TWIST2: variants seen among roughly 807,000 people sequenced by gnomAD.
TWIST2 encodes the protein twist family bHLH transcription factor 2.
In TWIST2, 1 loss-of-function variant was observed where a neutral mutation model predicts 11.6. The observed-to-expected ratio is 0.09, with a 90% CI of 0.03 to 0.41. The LOEUF is 0.41. TWIST2 is among the 10% of genes least tolerant of loss of function. The pLI is 0.98. For synonymous variants in TWIST2, 87 were observed against 96.6 expected, an observed-to-expected ratio of 0.90 and a Z score of 0.58; for missense variants, 168 against 226.4, an observed-to-expected ratio of 0.74 and a Z score of 1.66.
At chr2:238,896,595 C>T (rs1693210630) in intron 1 of TWIST2, among the ~76,000 whole-genome samples, 1 of 152,204 alleles carries the variant, frequency 6.6e-6, no homozygotes, top group Non-Finnish European at 1.5e-5. Flanking sequence ...CCTGTAAGAG[C>T]TCAGAGCAGG....
At chr2:238,870,586 C>A (rs1406972436) in intron 1 of TWIST2, among the ~76,000 whole-genome samples, 1 of 40,794 alleles carries the variant, frequency 2.5e-5, no homozygotes, top group Non-Finnish European at 5.4e-5. Context: ...CACACACACA[C>A]ACCACACACC....
chr2:238,874,567 A>C (rs1382144261), intron 1 of TWIST2, among the ~76,000 whole-genome samples: 1 of 152,182 alleles, frequency 6.6e-6, no homozygotes, highest in Non-Finnish European at 1.5e-5. Flanking sequence ...GCCGGTCTGC[A>C]CCAGCCCCAC....
At chr2:238,896,776 T>G (rs1693212797) in intron 1 of TWIST2, among the ~76,000 whole-genome samples, 1 of 152,126 alleles carries the variant, frequency 6.6e-6, no homozygotes, top group Non-Finnish European at 1.5e-5. Context: ...TGCTCTGGGA[T>G]TTTAGCTCTG....
intron 1 of TWIST2, among the ~76,000 whole-genome samples, chr2:238,880,168 G>A (rs375589175): frequency 8.1e-6 from 1 of 122,700 alleles, no homozygotes; most frequent in African/African-American, 3.5e-5. Context: ...TATTGGTATT[G>A]GTGTTAGTGT....
intron 1 of TWIST2, among the ~76,000 whole-genome samples, chr2:238,880,303 T>C (rs1692892223): frequency 6.7e-6 from 1 of 148,488 alleles, no homozygotes; most frequent in Non-Finnish European, 1.5e-5. Flanking sequence ...GTGTTATTGT[T>C]AGTGTTAGTG....
rs1054781231 is a variant in TWIST2, at chr2:238,865,345, G to A, written c.*35+16612G>A. On this transcript the variant is annotated intron_variant, in intron 1 of 1. Coordinates refer to ENST00000612363, the MANE Select transcript of TWIST2 (RefSeq NM_001271893.4). Reference sequence around the variant, plus strand: ...AGGGCTCTCTGCTTTAAACGACGGCGCACAGGGACCTCCCCATGCAGCAGG... The same window carrying A: ...AGGGCTCTCTGCTTTAAACGACGGCACACAGGGACCTCCCCATGCAGCAGG... Among the ~76,000 whole-genome samples the A allele has an allele frequency of 5.9e-5, 9 of 152,290 alleles. No homozygotes were observed. In the South Asian group the frequency reaches 1.2e-3, roughly 21 times the overall value.
chr2:238,857,325 G>T (rs1002980079), intron 1 of TWIST2, among the ~76,000 whole-genome samples: 27 of 152,192 alleles, frequency 1.8e-4, no homozygotes, highest in African/African-American at 6.0e-4. Flanking sequence ...CTATCAGCTC[G>T]TGCTGATGAA....
intron 1 of TWIST2, among the ~76,000 whole-genome samples, chr2:238,904,232 TGTG>T (rs1280491978): frequency 1.5e-4 from 13 of 88,554 alleles, no homozygotes; most frequent in Non-Finnish European, 1.7e-4. Context: ...GTGTGTGTGA[TGTG>T]GGGTGTGTGT....
At chr2:238,901,418 G>T (rs1041937264) in intron 1 of TWIST2, among the ~76,000 whole-genome samples, 1 of 152,030 alleles carries the variant, frequency 6.6e-6, no homozygotes, top group African/African-American at 2.4e-5. Flanking sequence ...TTTCCTAATG[G>T]TTCCTTTTTT....
intron 1 of TWIST2, among the ~76,000 whole-genome samples, chr2:238,896,451 T>G (rs1693208657): frequency 1.3e-5 from 2 of 152,114 alleles, no homozygotes; most frequent in East Asian, 3.9e-4. Flanking sequence ...GCAGTGTCCT[T>G]TCAGAGATGG....
In TWIST2 at chr2:238,873,273, C is replaced by T. The variant is rs181849301; in HGVS notation, c.*35+24540C>T. On this transcript the variant is annotated intron_variant, in intron 1 of 1. Transcript: ENST00000612363. Reference sequence around the variant, plus strand: ...TGGCGGGGAAGAAGTCAAGGCAGTTCCTGTCACCATGAAGCTTGCCATGGG... The same window carrying T: ...TGGCGGGGAAGAAGTCAAGGCAGTTTCTGTCACCATGAAGCTTGCCATGGG... Among the ~76,000 whole-genome samples, 4 of 152,118 alleles carry T rather than the reference C, an allele frequency of 2.6e-5. No individual in the cohort carries two copies. In the East Asian group the frequency reaches 7.8e-4, roughly 29 times the overall value.
chr2:238,855,448 A>G (rs191621354), intron 1 of TWIST2, among the ~76,000 whole-genome samples: 6 of 152,306 alleles, frequency 3.9e-5, no homozygotes, highest in African/African-American at 1.2e-4. Context: ...TAACTAGTCA[A>G]CATCTTCAAC....
At chr2:238,870,451 A>T (rs1310790105) in intron 1 of TWIST2, among the ~76,000 whole-genome samples, 1 of 7,330 alleles carries the variant, frequency 1.4e-4, no homozygotes, top group South Asian at 3.7e-3. Context: ...CACACACCCC[A>T]CACACACCAC....
In TWIST2 at chr2:238,867,814, T is replaced by C. The variant is rs1387194451; in HGVS notation, c.*35+19081T>C. Among the ~76,000 whole-genome samples the C allele has an allele frequency of 3.3e-5, 5 of 152,144 alleles. No individual in the cohort carries two copies. The highest frequency in any genetic ancestry group is 7.4e-5 in the Non-Finnish European group (5 of 68,026). Reference sequence around the variant, plus strand: ...GGAGGGAAGCAGCCGTTCCCAGAGCTGAGGGGCATCCCTCGAAGGCGGGAG... The same window carrying C: ...GGAGGGAAGCAGCCGTTCCCAGAGCCGAGGGGCATCCCTCGAAGGCGGGAG... On this transcript the variant is annotated intron_variant, in intron 1 of 1. Transcript: ENST00000612363. This position sits in a 1 kb window ranked among gnomAD's most constrained non-coding sequence, Gnocchi z 4.8.
At chr2:238,861,740 C>T (rs929383033) in intron 1 of TWIST2, among the ~76,000 whole-genome samples, 1 of 152,190 alleles carries the variant, frequency 6.6e-6, no homozygotes, top group African/African-American at 2.4e-5. Context: ...TTTCGCTTTT[C>T]GAAGTTTCAA....
At chr2:238,905,787 C>T (rs1440964207) in intron 1 of TWIST2, among the ~76,000 whole-genome samples, 1 of 152,126 alleles carries the variant, frequency 6.6e-6, no homozygotes, top group African/African-American at 2.4e-5. Context: ...ACTTTCTGCC[C>T]AGGACCACTT....
In TWIST2 at chr2:238,867,820, G is replaced by A. The variant is rs947026540; in HGVS notation, c.*35+19087G>A. On this transcript the variant is annotated intron_variant, in intron 1 of 1. Transcript: ENST00000612363. The surrounding 1 kb of genome is among the most constrained non-coding windows in gnomAD (Gnocchi z 4.8). ...AAGCAGCCGTTCCCAGAGCTGAGGG[G>A]CATCCCTCGAAGGCGGGAGGGAGAG... Among the ~76,000 whole-genome samples the A allele has an allele frequency of 1.4e-4, 22 of 152,300 alleles. No homozygotes were observed. Among genetic ancestry groups the A allele is most frequent in the South Asian group, 8.3e-4 (4 of 4,828 alleles).
Position 238,905,974 on chromosome 2 carries a change from CGCGCGCGTGTACGTGCGCGT to C in TWIST2, c.*36-3866_*36-3847del, listed in dbSNP as rs1693347821. Among the ~76,000 whole-genome samples, 19 of 124,974 alleles carry C rather than the reference CGCGCGCGTGTACGTGCGCGT, an allele frequency of 1.5e-4. No individual in the cohort carries two copies. In the South Asian group the frequency reaches 4.3e-3, roughly 29 times the overall value. The allele number at this position is 124,974 out of a possible 152,430, so 82.0% of individuals were successfully genotyped here. A position where few individuals can be genotyped will look rare whatever the true frequency, so the allele number is the denominator to read the frequency against. ...GCGTGTGTACGTGTGCGTGTGTGTG[CGCGCGCGTGTACGTGCGCGT>C]GTGTGCGTGTGCGTGTGTGGTTTTC... On this transcript the variant is annotated intron_variant, in intron 1 of 1. Coordinates refer to ENST00000612363, the MANE Select transcript of TWIST2 (RefSeq NM_001271893.4).
At chr2:238,886,210 C>T (rs955977052) in intron 1 of TWIST2, among the ~76,000 whole-genome samples, 1 of 152,100 alleles carries the variant, frequency 6.6e-6, no homozygotes, top group African/African-American at 2.4e-5. Flanking sequence ...GCCTGACCCT[C>T]TACTGGGCTC....
Sources: allele counts gnomAD v4.1 joint callset (sites outside exome capture counted in the v4.1 genomes callset), GRCh38; gene constraint gnomAD v4.1.1; non-coding constraint Gnocchi (gnomAD v3.1); transcripts MANE v1.5; gene names NCBI Gene and HGNC (gene_info 2026-07-23, HGNC 2026-07-21).